Variants in PPP2R1B observed in about 807,000 individuals in gnomAD.
PPP2R1B encodes the protein serine/threonine-protein phosphatase 2A 65 kDa regulatory subunit A beta isoform.
In PPP2R1B, 58 loss-of-function variants were observed where a neutral mutation model predicts 72.7. That is an observed-to-expected ratio of 0.80 (90% confidence interval 0.65 to 0.99). The LOEUF (loss-of-function observed/expected upper bound fraction) is 0.99. PPP2R1B is among the 50% of genes least tolerant of loss of function. The probability of loss-of-function intolerance (pLI) is 0.00; values close to 1 mark genes in which losing one functional copy is unlikely to be tolerated. For missense variants in PPP2R1B, 695 were observed against 733.6 expected, an observed-to-expected ratio of 0.95 and a Z score of 0.61; for synonymous variants, 256 against 264.6, an observed-to-expected ratio of 0.97 and a Z score of 0.32.
the PPP2R1B span, among the ~76,000 whole-genome samples, chr11:111,698,353 G>C: frequency 6.6e-6 from 1 of 152,208 alleles, no homozygotes; most frequent in African/African-American, 2.4e-5. Context: ...CCACCTTCTT[G>C]ACAGGCCTCT....
At chr11:111,749,095 T>C (rs1555047156) in intron 10 of PPP2R1B, among the ~76,000 whole-genome samples, 1 of 152,142 alleles carries the variant, frequency 6.6e-6, no homozygotes, top group Non-Finnish European at 1.5e-5. Flanking sequence ...TCCGTCCGCC[T>C]CAGCCTCCCA....
the PPP2R1B span, among the ~76,000 whole-genome samples, chr11:111,693,039 A>G: frequency 2.6e-5 from 4 of 152,134 alleles, no homozygotes; most frequent in Non-Finnish European, 4.4e-5. Flanking sequence ...CCCGTGGGTA[A>G]AAACTTGAGA....
Position 111,764,884 on chromosome 11 carries a change from T to C in PPP2R1B, c.227A>G (p.Glu76Gly). The C allele has an allele frequency of 6.2e-7, 1 of 1,613,914 alleles. No homozygotes were observed. The highest frequency in any genetic ancestry group is 1.3e-5 in the African/African-American group (1 of 75,034). Residue 76 changes from glutamate to glycine, a missense_variant, in exon 3 of 15, where the codon GAG becomes GGG. Coordinates refer to ENST00000527614, the MANE Select transcript of PPP2R1B (RefSeq NM_002716.5). ...CTGCTCAGCAAGAGCTAATAGTACCTCATCTTCATCATAAATTGTATCTGG... is the reference window on the plus strand; with the variant it reads ...CTGCTCAGCAAGAGCTAATAGTACCCCATCTTCATCATAAATTGTATCTGG... Reference protein sequence around the residue: ...FLTDTIYDEDEVLLALAEQLG... With the variant: ...FLTDTIYDEDGVLLALAEQLG...
At chr11:111,766,106 A>G (rs1416748657) in intron 1 of PPP2R1B, 142 bp downstream of exon 1, 5 of 770,016 alleles carry the variant, frequency 6.5e-6, no homozygotes, top group Non-Finnish European at 8.5e-6. Flanking sequence ...CTCGCGGAGC[A>G]TTCCCCGCCT....
At chr11:111,737,579 C>T (rs1944375684), downstream of PPP2R1B, 1 of 1,614,094 alleles carries the variant, frequency 6.2e-7, no homozygotes, top group Non-Finnish European at 8.5e-7. Context: ...ACTAGAGACA[C>T]AGACAGTGGC....
chr11:111,745,321 G>A (rs1203237043), intron 11 of PPP2R1B, among the ~76,000 whole-genome samples: 2 of 152,056 alleles, frequency 1.3e-5, no homozygotes, highest in Non-Finnish European at 2.9e-5. Flanking sequence ...CAAAGTGCTG[G>A]GATTACAGGC....
chr11:111,731,934 A>G (rs748419513), intron 15 of PPP2R1B, among the ~76,000 whole-genome samples: 1 of 152,216 alleles, frequency 6.6e-6, no homozygotes, highest in Non-Finnish European at 1.5e-5. Context: ...CCAATGCCCC[A>G]GGACGCAGGC....
chr11:111,755,529 A>C, intron 5 of PPP2R1B, 79 bp from the exon 6 acceptor site: 1 of 1,358,418 alleles, frequency 7.4e-7, no homozygotes, highest in Non-Finnish European at 9.8e-7. Flanking sequence ...CAGGTGTTTA[A>C]AAAAATTAAC....
downstream of PPP2R1B, chr11:111,723,395 T>A: frequency 1.5e-6 from 2 of 1,301,782 alleles, no homozygotes; most frequent in Non-Finnish European, 2.1e-6. Context: ...TGAGAGAGAC[T>A]TAAGTAGAAG....
At chr11:111,724,109 G>A (rs1289485546), downstream of PPP2R1B, 21 of 1,611,344 alleles carry the variant, frequency 1.3e-5, no homozygotes, top group Non-Finnish European at 1.7e-5. Context: ...ACAACACAAC[G>A]GGTATGTCCT....
intron 11 of PPP2R1B, among the ~76,000 whole-genome samples, chr11:111,745,146 G>C (rs1305523418): frequency 4.0e-5 from 6 of 150,702 alleles, no homozygotes; most frequent in African/African-American, 1.5e-4. Flanking sequence ...CCGCCTCCTG[G>C]GTTCAAGCAA....
rs746827678 is a variant in PPP2R1B at position 111,726,973 on chromosome 11, T to C, written c.1996A>G (p.Thr666Ala). The change falls in exon 16 of 16, where the codon ACA (threonine) becomes GCA (alanine). Residue 666 changes from threonine (T) to alanine (A), a missense_variant. By Grantham distance (58) the Thr-to-Ala change is moderately conservative (BLOSUM62 0). Transcript: ENST00000311129. ...TTTTTAAATCTGGGGTATTAGTCTG[T>C]GCTTTGGGAGAAATGCACTAGCTCT... The C allele has an allele frequency of 3.1e-6, 5 of 1,613,702 alleles. No homozygotes were observed. In the African/African-American group the frequency reaches 4.0e-5, roughly 13 times the overall value.
At chr11:111,751,221 C>A (rs1417458438) in intron 10 of PPP2R1B, among the ~76,000 whole-genome samples, 1 of 152,128 alleles carries the variant, frequency 6.6e-6, no homozygotes, top group Admixed American at 6.5e-5. Context: ...GGACATTTTG[C>A]TTAGAATACA....
At chr11:111,755,137 G>C in intron 6 of PPP2R1B, 43 bp from the exon 7 acceptor site, 1 of 1,553,314 alleles carries the variant, frequency 6.4e-7, no homozygotes, top group Non-Finnish European at 8.8e-7. Context: ...ACTAACAAAA[G>C]AATTAACAAG....
Position 111,741,565 on chromosome 11 carries a change from C to A in PPP2R1B, c.*31G>T, listed in dbSNP as rs1299939392. ...TTGACTAGAAATTTGTGACAAGAAT[C>A]TAGTAAAGGCCTTTTCCCTCCTGCT... On this transcript the variant is annotated 3_prime_UTR_variant, in exon 15 of 15. Transcript: ENST00000527614. The A allele has an allele frequency of 6.2e-7, 1 of 1,608,124 alleles. No homozygotes were observed. Among genetic ancestry groups the A allele is most frequent in the Admixed American group, 1.7e-5 (1 of 58,004 alleles).
At chr11:111,764,758 T>C (rs782599817) in intron 3 of PPP2R1B, 47 bp downstream of exon 3, 11 of 1,579,810 alleles carry the variant, frequency 7.0e-6, no homozygotes, top group African/African-American at 2.7e-5. Context: ...GTATCATTTA[T>C]ACTGCAAAAG....
chr11:111,737,690 C>T (rs2136028364), downstream of PPP2R1B: 2 of 1,522,556 alleles, frequency 1.3e-6, no homozygotes, highest in East Asian at 2.3e-5. Flanking sequence ...TGTCCAGCAG[C>T]AGCCTACAAG....
chr11:111,750,856 T>TG lies in PPP2R1B; in HGVS notation c.1338+1302dup, dbSNP rs570021637. Among the ~76,000 whole-genome samples the TG allele has an allele frequency of 2.6e-5, 4 of 151,756 alleles. No individual in the cohort carries two copies. The South Asian group carries it at 8.3e-4, about 32-fold the overall frequency. On this transcript the variant is annotated intron_variant, in intron 10 of 14. Transcript: ENST00000527614. Reference sequence around the variant, plus strand: ...TGTTTTTGTTTTGTTTTTTTTTTTTTGACACAAAGTTTTACTCTGTTGCCC... The same window carrying TG: ...TGTTTTTGTTTTGTTTTTTTTTTTTTGGACACAAAGTTTTACTCTGTTGCCC...
chr11:111,742,800 C>A, intron 12 of PPP2R1B, 135 bp from the exon 13 acceptor site: 1 of 700,930 alleles, frequency 1.4e-6, no homozygotes, highest in Non-Finnish European at 2.1e-6. Context: ...GAGTGGGGGA[C>A]ACAAGAATCA....
Sources: allele counts gnomAD v4.1 joint callset (sites outside exome capture counted in the v4.1 genomes callset), GRCh38; gene constraint gnomAD v4.1.1; transcripts MANE v1.5; gene names NCBI Gene and HGNC (gene_info 2026-07-23, HGNC 2026-07-21).